The following PIK3R3 variants were observed in gnomAD, a reference collection of about 807,000 sequenced individuals.
PIK3R3 encodes phosphatidylinositol 3-kinase regulatory subunit gamma.
PIK3R3 carries 64 observed loss-of-function variants against 62.9 expected under a neutral mutation model. That is an observed-to-expected ratio of 1.02 (90% confidence interval 0.83 to 1.25). PIK3R3 has a LOEUF of 1.25. Among genes scored for constraint, PIK3R3 ranks in the 50% most tolerant of loss-of-function variants. The pLI, the probability that PIK3R3 is intolerant of heterozygous loss-of-function variation, is 0.00. For missense variants in PIK3R3, 614 were observed against 561.6 expected (o/e 1.09, Z -0.94); for synonymous variants, 165 against 189.0 (o/e 0.87, Z 1.04).
intron 1 of PIK3R3, among the ~76,000 whole-genome samples, chr1:46,082,657 T>C (rs1650706768): frequency 6.6e-6 from 1 of 152,216 alleles, no homozygotes; most frequent in Non-Finnish European, 1.5e-5. Flanking sequence ...ATTATGTTCT[T>C]TGAACTGTAC....
chr1:46,041,806 A>T lies in PIK3R3; in HGVS notation c.*1867T>A, dbSNP rs1647001752. The stretch of plus-strand genomic sequence containing the variant: ...TTTGTCTCTGTCTCACCCAATCCTG[A>T]AACTGCAGTGTAACCAAGAAAAAGC... On this transcript the variant is annotated 3_prime_UTR_variant, in exon 10 of 10. Coordinates refer to ENST00000262741, the MANE Select transcript of PIK3R3 (RefSeq NM_003629.4). The T allele has an allele frequency of 4.7e-6, 1 of 210,608 alleles. No individual in the cohort carries two copies. Among genetic ancestry groups the T allele is most frequent in the African/African-American group, 2.3e-5 (1 of 44,104 alleles). The allele number at this position is 210,608 out of a possible 1,614,324, so 13.0% of individuals were successfully genotyped here. A position where few individuals can be genotyped will look rare whatever the true frequency, so the allele number is the denominator to read the frequency against.
chr1:46,159,220 T>C, the PIK3R3 span, among the ~76,000 whole-genome samples: 1 of 152,238 alleles, frequency 6.6e-6, no homozygotes, highest in African/African-American at 2.4e-5. Context: ...TCTGTAATAC[T>C]ACCTATTTTA....
At chr1:46,137,504 G>A (rs959787521), upstream of PIK3R3, among the ~76,000 whole-genome samples, 7 of 152,252 alleles carry the variant, frequency 4.6e-5, no homozygotes, top group African/African-American at 1.4e-4. Context: ...CTCAGTTTTC[G>A]CAATTCACAA....
chr1:46,169,127 A>G, the PIK3R3 span, among the ~76,000 whole-genome samples: 1 of 152,134 alleles, frequency 6.6e-6, no homozygotes, highest in African/African-American at 2.4e-5. Context: ...ACTCTCATCC[A>G]TGGACTTACA....
At chr1:46,069,917 TGATAATTAGGTTTG>T (rs1304888911) in intron 3 of PIK3R3, among the ~76,000 whole-genome samples, 1 of 152,116 alleles carries the variant, frequency 6.6e-6, no homozygotes, top group Non-Finnish European at 1.5e-5. Context: ...CCAAGTCCAA[TGATAATTAGGTTTG>T]GCAAAGTAGA....
At chr1:46,055,739 G>A in intron 7 of PIK3R3, 56 bp downstream of exon 7, 1 of 1,120,420 alleles carries the variant, frequency 8.9e-7, no homozygotes, top group South Asian at 1.5e-5. Context: ...TGTCTCTAGT[G>A]CTGGTAGTAA....
chr1:46,110,871 T>TG (rs1457524704), intron 1 of PIK3R3, among the ~76,000 whole-genome samples: 1 of 42,146 alleles, frequency 2.4e-5, no homozygotes, highest in East Asian at 1.3e-3. Context: ...AAAAAGTTGG[T>TG]TTTTTTTTTT....
chr1:46,161,650 A>G, the PIK3R3 span, among the ~76,000 whole-genome samples: 1 of 150,950 alleles, frequency 6.6e-6, no homozygotes. Flanking sequence ...CAGGAATATC[A>G]CTGGAGCCCA....
intron 7 of PIK3R3, among the ~76,000 whole-genome samples, chr1:46,051,143 T>A (rs969947429): frequency 3.9e-5 from 6 of 152,098 alleles, no homozygotes; most frequent in Non-Finnish European, 8.8e-5. Context: ...CCTGTGAACA[T>A]ACTAAAAACA....
In PIK3R3 at chr1:46,043,689, G is replaced by A. The variant is rs1647036045; in HGVS notation, c.1370C>T (p.Pro457Leu). Residue 457 changes from proline (P) to leucine (L), a missense_variant, in exon 10 of 10, where the codon CCC becomes CTC. Coordinates refer to ENST00000262741, the MANE Select transcript of PIK3R3 (RefSeq NM_003629.4). ...ACTTCCTCTTTATCTGCAAAGCGAGGGCATCTGTGCATGAACAGGGTAGGC... is the reference window on the plus strand; with the variant it reads ...ACTTCCTCTTTATCTGCAAAGCGAGAGCATCTGTGCATGAACAGGGTAGGC... The part of the protein sequence containing the change: ...RLAYPVHAQM[P>L]SLCR 6.2e-7 allele frequency: 1 copy of A among 1,614,096 alleles called. No individual in the cohort carries two copies. The highest frequency in any genetic ancestry group is 8.5e-7 in the Non-Finnish European group (1 of 1,179,942).
chr1:46,089,515 A>G (rs1651406222), intron 1 of PIK3R3, among the ~76,000 whole-genome samples: 1 of 152,088 alleles, frequency 6.6e-6, no homozygotes, highest in Admixed American at 6.5e-5. Context: ...GGAGATCAAG[A>G]CCATCCTGGC....
At chr1:46,133,784 C>T (rs79751529), upstream of PIK3R3, among the ~76,000 whole-genome samples, 1,788 of 151,826 alleles carry the variant, frequency 0.012, 28 homozygotes, top group African/African-American at 0.038. Context: ...CTCAGCAAGC[C>T]CTCCTGCTCG....
the PIK3R3 span, among the ~76,000 whole-genome samples, chr1:46,171,044 T>C: frequency 6.6e-6 from 1 of 152,196 alleles, no homozygotes; most frequent in Admixed American, 6.5e-5. Flanking sequence ...GTTTAATGAA[T>C]TTTGTTGGTA....
chr1:46,060,978 G>C (rs1471198539), intron 6 of PIK3R3, among the ~76,000 whole-genome samples: 1 of 152,124 alleles, frequency 6.6e-6, no homozygotes, highest in Non-Finnish European at 1.5e-5. Flanking sequence ...TATCCTTTTA[G>C]TTATCAAATC....
At chr1:46,114,771 A>T (rs35871347) in intron 1 of PIK3R3, among the ~76,000 whole-genome samples, 3 of 99,302 alleles carry the variant, frequency 3.0e-5, no homozygotes, top group Admixed American at 1.2e-4. Flanking sequence ...AGCCTCACTA[A>T]TTTTTTTTTT....
intron 3 of PIK3R3, among the ~76,000 whole-genome samples, chr1:46,071,603 A>T (rs761797844): frequency 2.0e-5 from 3 of 149,340 alleles, no homozygotes; most frequent in Non-Finnish European, 4.4e-5. Flanking sequence ...CTGAGGCAGG[A>T]GAATCACTTG....
chr1:46,058,359 T>G (rs570420792), intron 6 of PIK3R3, among the ~76,000 whole-genome samples: 2 of 152,246 alleles, frequency 1.3e-5, no homozygotes, highest in Non-Finnish European at 2.9e-5. Context: ...GAGTTCCTAC[T>G]GGGGCACCGC....
chr1:46,161,867 C>T, the PIK3R3 span, among the ~76,000 whole-genome samples: 21 of 150,818 alleles, frequency 1.4e-4, no homozygotes, highest in South Asian at 2.8e-3. Context: ...CCAAGGTGGG[C>T]GGATCACGAG....
chr1:46,043,803 T>C lies in PIK3R3; in HGVS notation c.1256A>G (p.Tyr419Cys), dbSNP rs780864305. The C allele has an allele frequency of 3.1e-6, 5 of 1,614,140 alleles. No homozygotes were observed. The highest frequency in any genetic ancestry group is 2.2e-5 in the East Asian group (1 of 44,882). ...TARGYGFAEP[Y>C]NLYSSLKELV... Reference sequence around the variant, plus strand: ...CTCCTTCAGAGAGCTGTACAGGTTGTAGGGCTCTGCAAAGCCATAGCCCCG... The same window carrying C: ...CTCCTTCAGAGAGCTGTACAGGTTGCAGGGCTCTGCAAAGCCATAGCCCCG... The change falls in exon 10 of 10, where the codon TAC becomes TGC. Residue 419 changes from tyrosine (Y) to cysteine (C), a missense_variant. Physicochemically the swap from Tyr to Cys is radical, Grantham distance 194. Transcript: ENST00000262741.
Sources: allele counts gnomAD v4.1 joint callset (sites outside exome capture counted in the v4.1 genomes callset), GRCh38; gene constraint gnomAD v4.1.1; transcripts MANE v1.5; gene names NCBI Gene and HGNC (gene_info 2026-07-23, HGNC 2026-07-21).